Variants in ACVR2A observed in about 807,000 individuals in gnomAD.
The protein encoded by ACVR2A is activin receptor type-2A.
In ACVR2A, 7 loss-of-function variants were observed where a neutral mutation model predicts 61.4. The ratio of observed to expected loss-of-function variants is 0.11; its 90% CI spans 0.06 to 0.21. The LOEUF (loss-of-function observed/expected upper bound fraction) is 0.21. Among genes scored for constraint, ACVR2A ranks in the 10% least tolerant of loss-of-function variants. ACVR2A has a pLI of 1.00. For missense variants in ACVR2A, 322 were observed against 621.7 expected (o/e 0.52, Z 5.13); for synonymous variants, 193 against 208.3 (o/e 0.93, Z 0.63).
At position 147,929,648 on chromosome 2, in the gene ACVR2A, T is replaced by C. The variant is rs1687608931; in HGVS notation, c.*2374T>C. ...TCCTTATACCTAGTCTTGTTAAAAC[T>C]TTCTTTTGCAGGGTATTTAGTGTTT... On this transcript the variant is annotated 3_prime_UTR_variant, in exon 11 of 11. Transcript: ENST00000241416. 1 of 152,402 alleles carries C rather than the reference T, an allele frequency of 6.6e-6. No homozygotes were observed. Among genetic ancestry groups the C allele is most frequent in the South Asian group, 2.1e-4 (1 of 4,828 alleles). The allele number at this position is 152,402 out of a possible 1,614,324, so 9.4% of individuals were successfully genotyped here.
intron 1 of ACVR2A, among the ~76,000 whole-genome samples, chr2:147,866,143 A>G (rs1685849419): frequency 6.6e-6 from 1 of 152,132 alleles, no homozygotes; most frequent in Non-Finnish European, 1.5e-5. Flanking sequence ...GTTAGAAGTG[A>G]CTGAGAAAAC....
intron 7 of ACVR2A, among the ~76,000 whole-genome samples, chr2:147,919,088 A>C (rs370671412): frequency 6.6e-6 from 1 of 152,092 alleles, no homozygotes; most frequent in South Asian, 2.1e-4. Context: ...AGGAAAAATG[A>C]TTGTGTCTTA....
intron 1 of ACVR2A, among the ~76,000 whole-genome samples, chr2:147,871,486 A>G (rs951105450): frequency 1.3e-5 from 2 of 152,132 alleles, no homozygotes; most frequent in African/African-American, 4.8e-5. Context: ...CAGAATATCT[A>G]GCCTAGATGT....
rs750634752 is a variant in ACVR2A, at chr2:147,896,440, G to A, written c.195G>A (p.Lys65=). The A allele has an allele frequency of 1.7e-5, 28 of 1,613,996 alleles. No individual in the cohort carries two copies. Among genetic ancestry groups the A allele is most frequent in the Non-Finnish European group, 2.3e-5 (27 of 1,179,934 alleles). ...GGCGGCATTGTTTTGCTACCTGGAA[G>A]AATATTTCTGGTTCCATTGAAATAG... is the stretch of plus-strand genomic sequence containing the variant. ...DKRRHCFATW[K]NISGSIEIVK... The change falls in exon 2 of 11, where the codon AAG becomes AAA. Residue 65 remains lysine (K), a synonymous_variant. Transcript: ENST00000241416.
At chr2:147,873,734 A>G (rs1686085405) in intron 1 of ACVR2A, among the ~76,000 whole-genome samples, 1 of 152,000 alleles carries the variant, frequency 6.6e-6, no homozygotes. Context: ...CAGAGATTCA[A>G]TAGAAAATGA....
chr2:147,883,925 T>C (rs1435481933), intron 1 of ACVR2A, among the ~76,000 whole-genome samples: 1 of 152,124 alleles, frequency 6.6e-6, no homozygotes, highest in Non-Finnish European at 1.5e-5. Flanking sequence ...CTGTGACAGA[T>C]TGATGTTTTA....
intron 4 of ACVR2A, chr2:147,902,949 T>TGCTTTGGCTAAAGGCATTTGAGAAAA (rs1558808726): frequency 6.6e-6 from 1 of 151,972 alleles, no homozygotes; most frequent in African/African-American, 2.4e-5. Context: ...TTCTTTTTCT[T>TGCTTTGGCTAAAGGCATTTGAGAAAA]AGGGAGACTT....
intron 8 of ACVR2A, among the ~76,000 whole-genome samples, chr2:147,920,634 C>A (rs1238455276): frequency 6.6e-6 from 1 of 152,124 alleles, no homozygotes; most frequent in Admixed American, 6.6e-5. Context: ...TTAGGGAATT[C>A]TTCGTATGAA....
rs1049260320 is a variant in ACVR2A at position 147,915,084 on chromosome 2, C to T, written c.529-107C>T. The T allele has an allele frequency of 5.2e-5, 52 of 1,004,880 alleles. 1 individual carries two copies. The African/African-American group carries it at 7.8e-4, about 15-fold the overall frequency. 62.2% of individuals were successfully genotyped at this position (1,004,880 alleles called of 1,614,324 possible). ...AGTTAATGTCATTCATATGTGTTTA[C>T]TGTTTCTGTCAGTTGACTTTTCAGT... On this transcript the variant is annotated intron_variant, in intron 4 of 10. Transcript: ENST00000241416.
chr2:147,903,253 T>C (rs959659388), intron 4 of ACVR2A, among the ~76,000 whole-genome samples: 8 of 146,630 alleles, frequency 5.5e-5, no homozygotes, highest in African/African-American at 1.7e-4. Flanking sequence ...TTCTGGTCGT[T>C]TTTTTTTTTT....
Position 147,870,080 on chromosome 2 carries a change from A to T in ACVR2A, c.55+24873A>T, listed in dbSNP as rs559120111. 4.9e-5 allele frequency among the ~76,000 whole-genome samples: 5 copies of T among 102,348 alleles called. No homozygotes were observed. In the South Asian group the frequency reaches 1.9e-3, roughly 38 times the overall value. The allele number at this position is 102,348 out of a possible 152,430, so 67.1% of individuals were successfully genotyped here. A position where few individuals can be genotyped will look rare whatever the true frequency, so the allele number is the denominator to read the frequency against. ...GGGGTATATGGGAGGACGTATGAGG[A>T]GGGGGGATGTGAGGTATGTGGGGGA... On this transcript the variant is annotated intron_variant, in intron 1 of 10. Coordinates refer to ENST00000241416, the MANE Select transcript of ACVR2A (RefSeq NM_001616.5).
At position 147,845,090 on chromosome 2, in the gene ACVR2A, G is replaced by C; in HGVS notation, c.-63G>C. On this transcript the variant is annotated 5_prime_UTR_variant, in exon 1 of 11. Transcript: ENST00000241416. ...TTACACCAGGAGGTTTGTCTCCGAGGAAGACCCAGGGAACTGGATATCTAG... is the reference window on the plus strand; with the variant it reads ...TTACACCAGGAGGTTTGTCTCCGAGCAAGACCCAGGGAACTGGATATCTAG... 7.5e-7 allele frequency: 1 copy of C among 1,337,100 alleles called. No homozygotes were observed. Among genetic ancestry groups the C allele is most frequent in the South Asian group, 1.2e-5 (1 of 86,832 alleles). The allele number at this position is 1,337,100 out of a possible 1,614,324, so 82.8% of individuals were successfully genotyped here. A position where few individuals can be genotyped will look rare whatever the true frequency, so the allele number is the denominator to read the frequency against.
intron 1 of ACVR2A, among the ~76,000 whole-genome samples, chr2:147,885,723 A>G (rs1441229989): frequency 6.6e-6 from 1 of 152,162 alleles, no homozygotes; most frequent in Non-Finnish European, 1.5e-5. Flanking sequence ...TCAAAAAGAA[A>G]GTAACGAGAT....
chr2:147,923,163 A>G, intron 9 of ACVR2A, 52 bp downstream of exon 9: 2 of 1,539,192 alleles, frequency 1.3e-6, no homozygotes, highest in Non-Finnish European at 1.8e-6. Flanking sequence ...CCACACATAT[A>G]TGAAAAGGGA....
At position 147,851,292 on chromosome 2, in the gene ACVR2A, A is replaced by C. The variant is rs78517195; in HGVS notation, c.55+6085A>C. ...ACCTCTTGGTATTGGTTAAGAGTAT[A>C]GACTCTGGATATAGACCTAATTGGT... On this transcript the variant is annotated intron_variant, in intron 1 of 10. Transcript: ENST00000241416. Among the ~76,000 whole-genome samples, 757 of 152,216 alleles carry C rather than the reference A, an allele frequency of 5.0e-3. 6 individuals are homozygous for C. Among genetic ancestry groups the C allele is most frequent in the African/African-American group, 0.018 (729 of 41,564 alleles).
At chr2:147,892,076 AT>A (rs1686600956) in intron 1 of ACVR2A, among the ~76,000 whole-genome samples, 1 of 151,624 alleles carries the variant, frequency 6.6e-6, no homozygotes, top group Non-Finnish European at 1.5e-5. Flanking sequence ...GGTTCAAGGG[AT>A]TCTCCTGCCT....
At chr2:147,847,531 A>G (rs1342206891) in intron 1 of ACVR2A, among the ~76,000 whole-genome samples, 1 of 152,318 alleles carries the variant, frequency 6.6e-6, no homozygotes, top group East Asian at 1.9e-4. Context: ...AATGGGAAAC[A>G]ATAGTAAGGA....
intron 1 of ACVR2A, among the ~76,000 whole-genome samples, chr2:147,861,772 G>A (rs1685732401): frequency 6.6e-6 from 1 of 152,186 alleles, no homozygotes; most frequent in Non-Finnish European, 1.5e-5. Flanking sequence ...GAGAGCACCT[G>A]AAAACCTTCT....
intron 1 of ACVR2A, among the ~76,000 whole-genome samples, chr2:147,869,865 G>A (rs1399484974): frequency 3.3e-5 from 5 of 152,086 alleles, no homozygotes; most frequent in Middle Eastern, 3.4e-3. Context: ...GAGAAGTTGC[G>A]GGGAAGGCAA....
Sources: gnomAD v4.1 joint callset for allele counts (sites outside exome capture counted in the v4.1 genomes callset) on GRCh38, gnomAD v4.1.1 for gene constraint, MANE v1.5 for transcripts, NCBI Gene and HGNC (gene_info 2026-07-23, HGNC 2026-07-21) for gene names.